GSE1: variants seen among roughly 807,000 people sequenced by gnomAD.
GSE1 encodes the protein genetic suppressor element 1.
Under a neutral mutation model 112.6 loss-of-function variants are expected in GSE1, and 32 were observed. The ratio of observed to expected loss-of-function variants is 0.28; its 90% CI spans 0.21 to 0.38. The LOEUF (loss-of-function observed/expected upper bound fraction) is 0.38, where lower values mean the gene tolerates loss of function less well. GSE1 is among the 10% of genes least tolerant of loss of function. GSE1 has a pLI of 1.00. For synonymous variants in GSE1, 1,115 were observed against 735.6 expected (o/e 1.52, Z -8.35); for missense variants, 2,348 against 1,699.2 (o/e 1.38, Z -6.71).
intron 9 of GSE1, chr16:85,662,719 A>G: frequency 2.1e-6 from 1 of 471,826 alleles, no homozygotes; most frequent in African/African-American, 2.0e-5. Context: ...CAGGGGGAGG[A>G]GGGAGGTCTT....
At chr16:85,395,696 C>G (rs1246826685) in intron 2 of GSE1, among the ~76,000 whole-genome samples, 1 of 152,220 alleles carries the variant, frequency 6.6e-6, no homozygotes, top group African/African-American at 2.4e-5. Context: ...CTCCCTCCCT[C>G]TGTCACGTCC....
chr16:85,359,573 G>A (rs2047021779), intron 2 of GSE1: 4 of 354,942 alleles, frequency 1.1e-5, no homozygotes, highest in South Asian at 8.3e-5. Flanking sequence ...GTGAGCTGAT[G>A]CTTGTAAGCT....
At chr16:85,568,286 T>C (rs767921562) in intron 1 of GSE1, among the ~76,000 whole-genome samples, 1 of 152,186 alleles carries the variant, frequency 6.6e-6, no homozygotes, top group Non-Finnish European at 1.5e-5. Context: ...CTTTGTGCCC[T>C]GGTGGGGAGG....
At chr16:85,294,015 G>T (rs776875272) in intron 1 of GSE1, among the ~76,000 whole-genome samples, 1 of 152,194 alleles carries the variant, frequency 6.6e-6, no homozygotes. Flanking sequence ...GGCGCCCTCT[G>T]TGCAATGGGG....
intron 1 of GSE1, among the ~76,000 whole-genome samples, chr16:85,557,596 T>C (rs1171575292): frequency 6.6e-6 from 1 of 151,254 alleles, no homozygotes; most frequent in Admixed American, 6.6e-5. Flanking sequence ...GTTCAGAAGA[T>C]CCTGTCACTT....
intron 1 of GSE1, among the ~76,000 whole-genome samples, chr16:85,241,925 G>A (rs753149889): frequency 2.6e-5 from 4 of 152,038 alleles, no homozygotes; most frequent in South Asian, 4.1e-4. Context: ...GGTGGCTGCC[G>A]GGAGGGGAGG....
At chr16:85,243,350 G>C (rs966941772) in intron 1 of GSE1, among the ~76,000 whole-genome samples, 5 of 152,190 alleles carry the variant, frequency 3.3e-5, no homozygotes, top group African/African-American at 1.2e-4. Flanking sequence ...GCTTCTAAAG[G>C]GTGCCTGTGA....
At position 85,267,528 on chromosome 16, in the gene GSE1, C is replaced by T. The variant is rs113061398; in HGVS notation, c.2284-89935C>T. 2.1e-3 allele frequency among the ~76,000 whole-genome samples: 326 copies of T among 152,236 alleles called. 2 individuals are homozygous for T. The highest frequency in any genetic ancestry group is 7.4e-3 in the African/African-American group (309 of 41,528). ...GTACAGGTGGGTTAAAGGACAGTCA[C>T]GTCACGCTCCTTAGCCACCCCCTGC... is the stretch of plus-strand genomic sequence containing the variant. On this transcript the variant is annotated intron_variant, in intron 1 of 2. Transcript: ENST00000637419.
chr16:85,668,445 A>AG (rs764790090), intron 14 of GSE1, 21 bp downstream of exon 14: 7 of 956,736 alleles, frequency 7.3e-6, no homozygotes, highest in South Asian at 2.8e-5. Flanking sequence ...GCTGGGGAAG[A>AG]GGGGGGAGGG....
chr16:85,594,234 G>C (rs1475432424), intron 1 of GSE1: 1 of 113,156 alleles, frequency 8.8e-6, no homozygotes, highest in Admixed American at 8.4e-5. Context: ...CTGGGGGGTT[G>C]GGGGGGGGGG....
intron 3 of GSE1, among the ~76,000 whole-genome samples, chr16:85,653,083 C>T (rs952352269): frequency 6.7e-6 from 1 of 150,162 alleles, no homozygotes. Context: ...GGGGAAGATG[C>T]TGGGGCTGAG....
At chr16:85,633,826 G>A (rs991131553) in intron 1 of GSE1, 88 bp from the exon 2 acceptor site, 66 of 999,008 alleles carry the variant, frequency 6.6e-5, no homozygotes, top group Admixed American at 4.7e-4. Flanking sequence ...CCTGCCTGCT[G>A]CTGCTGACAC....
intron 2 of GSE1, among the ~76,000 whole-genome samples, chr16:85,543,299 G>A (rs780912662): frequency 2.0e-5 from 3 of 151,958 alleles, no homozygotes; most frequent in East Asian, 1.9e-4. Flanking sequence ...GGACCCAACC[G>A]GACATAGCCT....
At chr16:85,496,521 C>T (rs903571026) in intron 2 of GSE1, among the ~76,000 whole-genome samples, 2 of 152,162 alleles carry the variant, frequency 1.3e-5, no homozygotes, top group African/African-American at 2.4e-5. Context: ...GGCGTGTCTG[C>T]GGAGTGGCAG....
chr16:85,564,485 G>A (rs1051497073), intron 1 of GSE1, among the ~76,000 whole-genome samples: 3 of 152,170 alleles, frequency 2.0e-5, no homozygotes, highest in African/African-American at 7.2e-5. Context: ...GAGGAAAACA[G>A]TTTGGTTTGA....
At chr16:85,202,327 C>T (rs1216472426) in intron 1 of GSE1, among the ~76,000 whole-genome samples, 1 of 152,262 alleles carries the variant, frequency 6.6e-6, no homozygotes, top group African/African-American at 2.4e-5. Flanking sequence ...CATTCTTCCC[C>T]GTTTGTGCCC....
intron 2 of GSE1, among the ~76,000 whole-genome samples, chr16:85,500,088 G>A (rs2051310296): frequency 6.6e-6 from 1 of 152,220 alleles, no homozygotes; most frequent in South Asian, 2.1e-4. Context: ...CGGAGCAGTG[G>A]TGTTAGTACT....
intron 1 of GSE1, among the ~76,000 whole-genome samples, chr16:85,577,281 G>A (rs1486501035): frequency 1.3e-5 from 2 of 152,220 alleles, no homozygotes; most frequent in Admixed American, 1.3e-4. Flanking sequence ...AGCCTGCCCA[G>A]TGGTGATCAC....
chr16:85,365,661 G>A (rs547168328), intron 2 of GSE1, among the ~76,000 whole-genome samples: 1 of 152,296 alleles, frequency 6.6e-6, no homozygotes, highest in African/African-American at 2.4e-5. Flanking sequence ...AGAAAGCAAA[G>A]GTTTGTAGAA....
Sources: allele counts gnomAD v4.1 joint callset (sites outside exome capture counted in the v4.1 genomes callset), GRCh38; gene constraint gnomAD v4.1.1; transcripts MANE v1.5; gene names NCBI Gene and HGNC (gene_info 2026-07-23, HGNC 2026-07-21).